The following CXXC4 variants were observed in gnomAD, a reference collection of about 807,000 sequenced individuals.
CXXC4 encodes CXXC-type zinc finger protein 4.
Under a neutral mutation model 20.5 loss-of-function variants are expected in CXXC4, and 5 were observed. The observed-to-expected ratio is 0.24, with a 90% CI of 0.13 to 0.51. CXXC4 has a LOEUF of 0.51. CXXC4 is among the 20% of genes least tolerant of loss of function. The pLI is 0.97. For missense variants in CXXC4, 419 were observed against 496.4 expected (o/e 0.84, Z 1.48); for synonymous variants, 250 against 216.4 (o/e 1.16, Z -1.36).
rs764626562 is a variant in CXXC4, at chr4:104,491,563, G to A, written c.240C>T (p.Ala80=). 3.3e-6 allele frequency: 5 copies of A among 1,510,598 alleles called. No individual in the cohort carries two copies. The African/African-American group carries it at 7.2e-5, about 22-fold the overall frequency. 93.6% of individuals were successfully genotyped at this position (1,510,598 alleles called of 1,614,324 possible). ...IFPSSAAAAA[A]AARIGMSPWN... ...AGGGGGACATGCCGATGCGCGCGGC[G>A]GCCGCGGCGGCGGCGGCGCTGCTGG... Residue 80 remains alanine (A), a synonymous_variant, in exon 2 of 3, where the codon GCC becomes GCT. Transcript: ENST00000394767.
intron 2 of CXXC4, among the ~76,000 whole-genome samples, chr4:104,485,339 C>G (rs1736658911): frequency 6.6e-6 from 1 of 151,930 alleles, no homozygotes; most frequent in Admixed American, 6.6e-5. Context: ...TTGTATTTAA[C>G]TTATGACTTT....
chr4:104,491,303 C>T lies in CXXC4; in HGVS notation c.500G>A (p.Arg167Lys), dbSNP rs755358553. ...GGGGGGGGGS[R>K]TSMHHRNDSQ... is the part of the protein sequence containing the mutation. ...GTCGTTTCGGTGGTGCATGCTGGTC[C>T]TGCTGCCGCCGCCGCCGCCGCCGCC... is the stretch of plus-strand genomic sequence containing the variant. Residue 167 changes from arginine to lysine, a missense_variant, in exon 2 of 3, where the codon AGG becomes AAG. Transcript: ENST00000394767. The T allele has an allele frequency of 1.9e-6, 3 of 1,584,002 alleles. No individual in the cohort carries two copies. The highest frequency in any genetic ancestry group is 1.8e-4 in the Middle Eastern group (1 of 5,472).
Position 104,491,263 on chromosome 4 carries a change from C to T in CXXC4, c.540G>A (p.Gly180=). ...MHHRNDSQRL[G]KAGCPPEPSL... Reference sequence around the variant, plus strand: ...ACGGCTCTGGCGGGCAGCCAGCTTTCCCCAGCCTCTGGGAGTCGTTTCGGT... The same window carrying T: ...ACGGCTCTGGCGGGCAGCCAGCTTTTCCCAGCCTCTGGGAGTCGTTTCGGT... The change falls in exon 2 of 3, where the codon GGG becomes GGA. Residue 180 remains glycine, a synonymous_variant. Coordinates refer to ENST00000394767, the MANE Select transcript of CXXC4 (RefSeq NM_025212.4). 6.2e-7 allele frequency: 1 copy of T among 1,612,420 alleles called. No individual in the cohort carries two copies. The highest frequency in any genetic ancestry group is 8.5e-7 in the Non-Finnish European group (1 of 1,179,694).
chr4:104,491,375 G>GAGGCGGAGGAGT lies in CXXC4; in HGVS notation c.427_428insACTCCTCCGCCT (p.Ala142_Ser143insTyrSerSerAla). On this transcript the variant is annotated inframe_insertion, in exon 2 of 3. Transcript: ENST00000394767. The stretch of plus-strand genomic sequence containing the variant: ...CGCCGAGGAGGAGGAGGCGGAGGAG[G>GAGGCGGAGGAGT]AGGCGGCGGCGGAGGAGGATTTCCT... 1 of 1,388,934 alleles carries GAGGCGGAGGAGT rather than the reference G, an allele frequency of 7.2e-7. No individual in the cohort carries two copies. Among genetic ancestry groups the GAGGCGGAGGAGT allele is most frequent in the Non-Finnish European group, 9.3e-7 (1 of 1,072,298 alleles). The allele number at this position is 1,388,934 out of a possible 1,614,324, so 86.0% of individuals were successfully genotyped here.
In CXXC4 at chr4:104,470,979, A is replaced by G. The variant is rs1004469333; in HGVS notation, c.*1343T>C. 1 of 151,800 alleles carries G rather than the reference A, an allele frequency of 6.6e-6. No individual in the cohort carries two copies. Among genetic ancestry groups the G allele is most frequent in the Non-Finnish European group, 1.5e-5 (1 of 67,890 alleles). 9.4% of individuals were successfully genotyped at this position (151,800 alleles called of 1,614,324 possible). A position where few individuals can be genotyped will look rare whatever the true frequency, so the allele number is the denominator to read the frequency against. On this transcript the variant is annotated 3_prime_UTR_variant, in exon 3 of 3. Transcript: ENST00000394767. ...TAGGTTGTGGGGGGAGGGGTATGTC[A>G]TGCATTTATGAAATTCCAGAGACTG...
At chr4:104,479,758 CTCCCT>C (rs891379033) in intron 2 of CXXC4, among the ~76,000 whole-genome samples, 2 of 148,284 alleles carry the variant, frequency 1.3e-5, no homozygotes, top group Non-Finnish European at 3.0e-5. Context: ...TCCCCTCTCC[CTCCCT>C]TCCTTCCTTC....
Position 104,491,464 on chromosome 4 carries a change from G to GCCGCCC in CXXC4, c.333_338dup (p.Gly133_Gly134dup), listed in dbSNP as rs1295871345. 258 of 833,868 alleles carry GCCGCCC rather than the reference G, an allele frequency of 3.1e-4. 1 individual carries two copies. The African/African-American group carries it at 3.4e-3, about 11-fold the overall frequency. 51.7% of individuals were successfully genotyped at this position (833,868 alleles called of 1,614,324 possible). A position where few individuals can be genotyped will look rare whatever the true frequency, so the allele number is the denominator to read the frequency against. ...CGCCGCCGCCGCCACCCCCCCCGCC[G>GCCGCCC]CCGCCCCCGCCCCCGCCGCTGCCCC... On this transcript the variant is annotated inframe_insertion, in exon 2 of 3. Coordinates refer to ENST00000394767, the MANE Select transcript of CXXC4 (RefSeq NM_025212.4).
rs1414882353 is a variant in CXXC4, at chr4:104,469,310, T to A, written c.*3012A>T. On this transcript the variant is annotated 3_prime_UTR_variant, in exon 3 of 3. Coordinates refer to ENST00000394767, the MANE Select transcript of CXXC4 (RefSeq NM_025212.4). The stretch of plus-strand genomic sequence containing the variant: ...GCACTATGTATCAACGCCTCAAGTA[T>A]TTACCATGATCTCCCCAAATGCTGG... 2 of 152,024 alleles carry A rather than the reference T, an allele frequency of 1.3e-5. No individual in the cohort carries two copies. The highest frequency in any genetic ancestry group is 2.9e-5 in the Non-Finnish European group (2 of 67,980). The allele number at this position is 152,024 out of a possible 1,614,324, so 9.4% of individuals were successfully genotyped here.
At chr4:104,485,535 G>A (rs918618893) in intron 2 of CXXC4, among the ~76,000 whole-genome samples, 4 of 152,060 alleles carry the variant, frequency 2.6e-5, no homozygotes, top group African/African-American at 7.2e-5. Flanking sequence ...GACCAGTTGA[G>A]GTCCAGCAGT....
chr4:104,475,991 T>C (rs1736393679), intron 2 of CXXC4, among the ~76,000 whole-genome samples: 1 of 152,098 alleles, frequency 6.6e-6, no homozygotes, highest in Non-Finnish European at 1.5e-5. Context: ...CTGGTACTGC[T>C]GTAAAGCACA....
At chr4:104,480,949 C>T (rs1008915680) in intron 2 of CXXC4, among the ~76,000 whole-genome samples, 1 of 146,594 alleles carries the variant, frequency 6.8e-6, no homozygotes, top group Non-Finnish European at 1.5e-5. Context: ...TTACTTTCTT[C>T]CAATATAATC....
chr4:104,480,034 C>T (rs1736513939), intron 2 of CXXC4, among the ~76,000 whole-genome samples: 1 of 152,124 alleles, frequency 6.6e-6, no homozygotes, highest in Non-Finnish European at 1.5e-5. Context: ...GGTTCATCTA[C>T]TTTCATCAAG....
Position 104,491,353 on chromosome 4 carries a change from CGAG to C in CXXC4, c.447_449del (p.Ser150del), listed in dbSNP as rs1415646246. 23 of 1,519,582 alleles carry C rather than the reference CGAG, an allele frequency of 1.5e-5. No individual in the cohort carries two copies. Among genetic ancestry groups the C allele is most frequent in the South Asian group, 3.7e-5 (3 of 80,110 alleles). 94.1% of individuals were successfully genotyped at this position (1,519,582 alleles called of 1,614,324 possible). A position where few individuals can be genotyped will look rare whatever the true frequency, so the allele number is the denominator to read the frequency against. Reference sequence around the variant, plus strand: ...CGCCACCGCCGGCGGGGAGGATCGCCGAGGAGGAGGAGGCGGAGGAGGAGGCGG... The same window carrying C: ...CGCCACCGCCGGCGGGGAGGATCGCCGAGGAGGAGGCGGAGGAGGAGGCGG... On this transcript the variant is annotated inframe_deletion, in exon 2 of 3. Transcript: ENST00000394767.
intron 2 of CXXC4, among the ~76,000 whole-genome samples, chr4:104,487,139 T>C (rs1736720865): frequency 6.6e-6 from 1 of 152,180 alleles, no homozygotes; most frequent in Non-Finnish European, 1.5e-5. Flanking sequence ...TCCTTCTTCC[T>C]GACTTTCCAG....
intron 2 of CXXC4, among the ~76,000 whole-genome samples, chr4:104,475,449 C>T (rs1449565977): frequency 6.6e-6 from 1 of 152,088 alleles, no homozygotes; most frequent in African/African-American, 2.4e-5. Context: ...GCCCAATTTT[C>T]ATCAGGAACA....
Position 104,472,277 on chromosome 4 carries a change from T to C in CXXC4, c.*45A>G. 7.7e-7 allele frequency: 1 copy of C among 1,306,464 alleles called. No homozygotes were observed. Among genetic ancestry groups the C allele is most frequent in the Non-Finnish European group, 1.1e-6 (1 of 923,212 alleles). The allele number at this position is 1,306,464 out of a possible 1,614,324, so 80.9% of individuals were successfully genotyped here. On this transcript the variant is annotated 3_prime_UTR_variant, in exon 3 of 3. Coordinates refer to ENST00000394767, the MANE Select transcript of CXXC4 (RefSeq NM_025212.4). Reference sequence around the variant, plus strand: ...AGTTTCTTAAAACAAGACATTAGTTTGCCCTTCATTTCCAAATGCCTTGAA... The same window carrying C: ...AGTTTCTTAAAACAAGACATTAGTTCGCCCTTCATTTCCAAATGCCTTGAA...
At chr4:104,483,811 T>C (rs1259657069) in intron 2 of CXXC4, among the ~76,000 whole-genome samples, 2 of 151,896 alleles carry the variant, frequency 1.3e-5, no homozygotes, top group African/African-American at 4.8e-5. Flanking sequence ...TATCAAAATA[T>C]ATAAAAATTA....
At chr4:104,477,363 C>CA (rs1736438790) in intron 2 of CXXC4, among the ~76,000 whole-genome samples, 1 of 151,966 alleles carries the variant, frequency 6.6e-6, no homozygotes, top group African/African-American at 2.4e-5. Flanking sequence ...ATGTTACTAA[C>CA]AAAATTTCAA....
chr4:104,490,423 A>G (rs1736814404), intron 2 of CXXC4, among the ~76,000 whole-genome samples: 1 of 152,218 alleles, frequency 6.6e-6, no homozygotes, highest in Non-Finnish European at 1.5e-5. Context: ...TTTAATGAGG[A>G]GGAGGGGGCA....
Sources: allele counts gnomAD v4.1 joint callset (sites outside exome capture counted in the v4.1 genomes callset), GRCh38; gene constraint gnomAD v4.1.1; transcripts MANE v1.5; gene names NCBI Gene and HGNC (gene_info 2026-07-23, HGNC 2026-07-21).